FAM221B: variants seen among roughly 807,000 people sequenced by gnomAD.
The protein encoded by FAM221B is protein FAM221B.
Under a neutral mutation model 39.8 loss-of-function variants are expected in FAM221B, and 35 were observed. The ratio of observed to expected loss-of-function variants is 0.88; its 90% CI spans 0.67 to 1.17. The LOEUF (loss-of-function observed/expected upper bound fraction) is 1.17. Ranked by LOEUF, FAM221B falls within the 50% of genes most tolerant of loss-of-function variation. The pLI is 0.00. For missense variants in FAM221B, 479 were observed against 503.1 expected, an observed-to-expected ratio of 0.95 and a Z score of 0.46; for synonymous variants, 158 against 178.1, an observed-to-expected ratio of 0.89 and a Z score of 0.90.
chr9:35,818,623 CAG>C, intron 6 of FAM221B, 117 bp from the exon 7 acceptor site: 1 of 1,113,716 alleles, frequency 9.0e-7, no homozygotes. Flanking sequence ...CTGGGAAGGC[CAG>C]AGGGCCCCTG....
rs2132167910 is a variant in FAM221B at position 35,828,522 on chromosome 9, C to T, written c.-60G>A. The T allele has an allele frequency of 3.0e-6, 3 of 985,436 alleles. No individual in the cohort carries two copies. In the South Asian group the frequency reaches 1.4e-4, roughly 46 times the overall value. 61.0% of individuals were successfully genotyped at this position (985,436 alleles called of 1,614,324 possible). ...AGGTCAAGACCTTGACTTAGGATGG[C>T]AGGGGGAGGTGTTGATCCTCAGGGA... On this transcript the variant is annotated 5_prime_UTR_variant, in exon 1 of 7. Coordinates refer to ENST00000423537, the MANE Select transcript of FAM221B (RefSeq NM_001012446.4). The surrounding 1 kb of genome is among the most constrained non-coding windows in gnomAD (Gnocchi z 4.5).
intron 3 of FAM221B, chr9:35,821,311 G>T: frequency 1.8e-6 from 1 of 570,542 alleles, no homozygotes; most frequent in Non-Finnish European, 2.8e-6. Context: ...GGAAGAGAGA[G>T]CCAGTATTCA....
chr9:35,827,478 A>C (rs560208399), intron 1 of FAM221B, among the ~76,000 whole-genome samples: 2 of 152,340 alleles, frequency 1.3e-5, no homozygotes, highest in Admixed American at 1.3e-4. Context: ...CCGATTAACC[A>C]ACAATGGCAA....
Position 35,818,500 on chromosome 9 carries a change from T to G in FAM221B, c.1178A>C (p.Asp393Ala), listed in dbSNP as rs1199941028. 1.3e-6 allele frequency: 2 copies of G among 1,551,612 alleles called. No homozygotes were observed. Among genetic ancestry groups the G allele is most frequent in the African/African-American group, 2.7e-5 (2 of 73,054 alleles). The stretch of plus-strand genomic sequence containing the variant: ...AGGCCTGTGCCAGTTGCTGACAGTG[T>G]CTGTCCCTGGAGGAAGAAAGAGCAG... ...RQRGGRPRGT[D>A]TVSNWHRPL The change falls in exon 7 of 7, where the codon GAC becomes GCC. Residue 393 changes from aspartate to alanine, a missense_variant. Coordinates refer to ENST00000423537, the MANE Select transcript of FAM221B (RefSeq NM_001012446.4).
chr9:35,826,742 A>G (rs1700905356), intron 1 of FAM221B: 2 of 153,222 alleles, frequency 1.3e-5, no homozygotes, highest in Admixed American at 6.5e-5. Context: ...CTAAATTCAC[A>G]TTTCTAGCTC....
intron 6 of FAM221B, 139 bp from the exon 7 acceptor site, chr9:35,818,645 G>A: frequency 1.0e-6 from 1 of 1,001,944 alleles, no homozygotes; most frequent in Non-Finnish European, 1.5e-6. Context: ...GTATCTGCAG[G>A]GCCTAGAAGT....
chr9:35,818,487 G>A lies in FAM221B; in HGVS notation c.1191C>T (p.Asn397=), dbSNP rs1408195861. The A allele has an allele frequency of 5.2e-6, 8 of 1,551,772 alleles. No individual in the cohort carries two copies. The highest frequency in any genetic ancestry group is 3.3e-4 in the Middle Eastern group (2 of 5,990). ...GRPRGTDTVS[N]WHRPL ...GCCAGACTCACAAAGGCCTGTGCCA[G>A]TTGCTGACAGTGTCTGTCCCTGGAG... The change falls in exon 7 of 7, where the codon AAC becomes AAT. Residue 397 remains asparagine, a synonymous_variant. Coordinates refer to ENST00000423537, the MANE Select transcript of FAM221B (RefSeq NM_001012446.4).
At position 35,825,661 on chromosome 9, in the gene FAM221B, G is replaced by C; in HGVS notation, c.501C>G (p.Asp167Glu). 6.2e-7 allele frequency: 1 copy of C among 1,614,200 alleles called. No individual in the cohort carries two copies. The highest frequency in any genetic ancestry group is 2.2e-5 in the East Asian group (1 of 44,884). The change falls in exon 2 of 7, where the codon GAC becomes GAG. Residue 167 changes from aspartate to glutamate, a missense_variant. Transcript: ENST00000423537. This position sits in a 1 kb window ranked among gnomAD's most constrained non-coding sequence, Gnocchi z 4.2. ...CTTCTTCCTCCTGCTTTTCGGTTGT[G>C]TCCACTTGGACCTGGGATGAAGGGC... Reference protein sequence around the residue: ...LSGPSSQVQVDTTEKQEEEAG... With the variant: ...LSGPSSQVQVETTEKQEEEAG...
At chr9:35,820,982 T>G (rs1227792124) in intron 3 of FAM221B, among the ~76,000 whole-genome samples, 1 of 152,190 alleles carries the variant, frequency 6.6e-6, no homozygotes, top group East Asian at 1.9e-4. Flanking sequence ...TGAGGCCCCA[T>G]GCAGTGGGAC....
rs1481628496 is a variant in FAM221B, at chr9:35,818,456, A to T, written c.*13T>A. 1.3e-6 allele frequency: 2 copies of T among 1,551,662 alleles called. No individual in the cohort carries two copies. Among genetic ancestry groups the T allele is most frequent in the East Asian group, 2.4e-5 (1 of 40,914 alleles). ...TCCAATGACTCCTCTTTTATTGCTG[A>T]TCTGGGCCAGACTCACAAAGGCCTG... On this transcript the variant is annotated 3_prime_UTR_variant, in exon 7 of 7. Coordinates refer to ENST00000423537, the MANE Select transcript of FAM221B (RefSeq NM_001012446.4).
rs144206363 is a variant in FAM221B at position 35,817,185 on chromosome 9, C to T, written c.*1284G>A. The T allele has an allele frequency of 6.6e-6, 1 of 152,216 alleles. No individual in the cohort carries two copies. Among genetic ancestry groups the T allele is most frequent in the Non-Finnish European group, 1.5e-5 (1 of 68,054 alleles). The allele number at this position is 152,216 out of a possible 1,614,324, so 9.4% of individuals were successfully genotyped here. On this transcript the variant is annotated 3_prime_UTR_variant, in exon 7 of 7. Coordinates refer to ENST00000423537, the MANE Select transcript of FAM221B (RefSeq NM_001012446.4). ...CTGGAATCTCCTACTCCCATAAGAACCTATGGACTCCCTTGTGACTTCCCA... is the reference window on the plus strand; with the variant it reads ...CTGGAATCTCCTACTCCCATAAGAATCTATGGACTCCCTTGTGACTTCCCA...
intron 1 of FAM221B, among the ~76,000 whole-genome samples, 156 bp from the exon 2 acceptor site, chr9:35,826,317 GAGTGTGATGCCAAA>G: frequency 6.6e-6 from 1 of 152,324 alleles, no homozygotes; most frequent in South Asian, 2.1e-4. Flanking sequence ...CTGGGTCCTA[GAGTGTGATGCCAAA>G]AGGTTCACCC....
rs1829060755 is a variant in FAM221B, at chr9:35,818,453, CTGAT to C, written c.*12_*15del. On this transcript the variant is annotated 3_prime_UTR_variant, in exon 7 of 7. Coordinates refer to ENST00000423537, the MANE Select transcript of FAM221B (RefSeq NM_001012446.4). ...GGTTCCAATGACTCCTCTTTTATTGCTGATCTGGGCCAGACTCACAAAGGCCTGT... is the reference window on the plus strand; with the variant it reads ...GGTTCCAATGACTCCTCTTTTATTGCCTGGGCCAGACTCACAAAGGCCTGT... 7 of 1,551,460 alleles carry C rather than the reference CTGAT, an allele frequency of 4.5e-6. No individual in the cohort carries two copies. In the African/African-American group the frequency reaches 9.6e-5, roughly 21 times the overall value.
chr9:35,819,460 T>C, intron 4 of FAM221B, 66 bp from the exon 5 acceptor site: 1 of 1,411,892 alleles, frequency 7.1e-7, no homozygotes, highest in East Asian at 2.5e-5. Flanking sequence ...GCCAACCCCA[T>C]CCTCCATCCC....
rs372222115 is a variant in FAM221B, at chr9:35,826,036, A to C, written c.126T>G (p.Pro42=). The change falls in exon 2 of 7, where the codon CCT becomes CCG. Residue 42 remains proline, a synonymous_variant. Transcript: ENST00000423537. ...ENHISESFLK[P]STSETPLEPH... ...GCTCTAACGGGGTCTCAGAGGTGGA[A>C]GGCTTCAAGAAGCTTTCAGAGATAT... The C allele has an allele frequency of 2.3e-4, 371 of 1,614,126 alleles. 1 individual carries two copies. The African/African-American group carries it at 4.4e-3, about 19-fold the overall frequency.
Position 35,816,622 on chromosome 9 carries a change from C to G in FAM221B, c.*1847G>C, listed in dbSNP as rs1829027600. The G allele has an allele frequency of 6.6e-6, 1 of 152,114 alleles. No individual in the cohort carries two copies. Among genetic ancestry groups the G allele is most frequent in the Non-Finnish European group, 1.5e-5 (1 of 68,024 alleles). The allele number at this position is 152,114 out of a possible 1,614,324, so 9.4% of individuals were successfully genotyped here. On this transcript the variant is annotated 3_prime_UTR_variant, in exon 7 of 7. Transcript: ENST00000423537. ...TGAGTTTATCATAGTAATCCTAACT[C>G]TATTGTTGACTATTAGTTGAATTAG...
At position 35,825,874 on chromosome 9, in the gene FAM221B, A is replaced by ACTAT. The variant is rs1829333732; in HGVS notation, c.284_287dup (p.Ser96ArgfsTer2). 1 of 1,614,050 alleles carries ACTAT rather than the reference A, an allele frequency of 6.2e-7. No homozygotes were observed. Among genetic ancestry groups the ACTAT allele is most frequent in the African/African-American group, 1.3e-5 (1 of 74,980 alleles). ...GTTTCTCTGGCACCACTGAGATGGGACTATCCAATGAAGCCTCATAGGTAG... is the reference window on the plus strand; with the variant it reads ...GTTTCTCTGGCACCACTGAGATGGGACTATCTATCCAATGAAGCCTCATAGGTAG... On this transcript the variant is annotated stop_gained and frameshift_variant, in exon 2 of 7. Coordinates refer to ENST00000423537, the MANE Select transcript of FAM221B (RefSeq NM_001012446.4). LOFTEE classifies it high-confidence loss of function. The surrounding 1 kb of genome is among the most constrained non-coding windows in gnomAD (Gnocchi z 4.2).
At chr9:35,826,597 C>G (rs923916377) in intron 1 of FAM221B, among the ~76,000 whole-genome samples, 9 of 152,130 alleles carry the variant, frequency 5.9e-5, no homozygotes, top group African/African-American at 2.2e-4. Context: ...CCTGAGAGTG[C>G]AGGGGAATGC....
intron 3 of FAM221B, among the ~76,000 whole-genome samples, chr9:35,822,238 G>A (rs570193517): frequency 1.3e-5 from 2 of 152,188 alleles, no homozygotes; most frequent in Admixed American, 1.3e-4. Context: ...TGCCTACCAA[G>A]CATCTACCCT....
Sources: allele counts gnomAD v4.1 joint callset (sites outside exome capture counted in the v4.1 genomes callset), GRCh38; gene constraint gnomAD v4.1.1; non-coding constraint Gnocchi (gnomAD v3.1); transcripts MANE v1.5; gene names NCBI Gene and HGNC (gene_info 2026-07-23, HGNC 2026-07-21).